Variants in SLC39A8 observed in about 807,000 individuals in gnomAD.
The protein encoded by SLC39A8 is solute carrier family 39 member 8, also known as metal cation symporter ZIP8.
A neutral mutation model predicts 40.4 loss-of-function variants in SLC39A8; 15 were observed. The ratio of observed to expected loss-of-function variants is 0.37; its 90% confidence interval spans 0.25 to 0.57. SLC39A8 has a LOEUF of 0.57. Among genes scored for constraint, SLC39A8 ranks in the 20% least tolerant of loss-of-function variants. The probability of loss-of-function intolerance (pLI) is 0.75; values close to 1 mark genes in which losing one functional copy is unlikely to be tolerated. For synonymous variants in SLC39A8, 223 were observed against 221.6 expected (o/e 1.01, Z -0.06); for missense variants, 472 against 558.8 (o/e 0.84, Z 1.57).
rs567440217 is a variant in SLC39A8, at chr4:102,252,677, C to T, written c.*1052G>A. On this transcript the variant is annotated 3_prime_UTR_variant and NMD_transcript_variant, in exon 12 of 12. Transcript: ENST00000424970. ...AAGGATGTCCTCATGGACCATCTTT[C>T]CACTTTCTGCTGTGCTTCTTCAGCA... 9.2e-5 allele frequency: 14 copies of T among 152,294 alleles called. No individual in the cohort carries two copies. The South Asian group carries it at 2.9e-3, about 32-fold the overall frequency. The allele number at this position is 152,294 out of a possible 1,614,324, so 9.4% of individuals were successfully genotyped here.
At chr4:102,268,666 G>A (rs1386157506) in intron 6 of SLC39A8, among the ~76,000 whole-genome samples, 2 of 152,200 alleles carry the variant, frequency 1.3e-5, no homozygotes, top group Non-Finnish European at 2.9e-5. Context: ...GTACCCTGTG[G>A]AGGGTTTAGG....
chr4:102,318,188 G>A (rs569857815), intron 2 of SLC39A8, among the ~76,000 whole-genome samples: 1 of 152,256 alleles, frequency 6.6e-6, no homozygotes, highest in South Asian at 2.1e-4. Context: ...AAACAGTGCA[G>A]TCAAATAAAT....
intron 6 of SLC39A8, among the ~76,000 whole-genome samples, chr4:102,274,568 T>C (rs1732528379): frequency 1.3e-5 from 2 of 152,034 alleles, no homozygotes; most frequent in Admixed American, 6.5e-5. Context: ...CCTAGCAAGA[T>C]AGGCCAAAAT....
At chr4:102,280,807 G>A (rs1036640633) in intron 6 of SLC39A8, among the ~76,000 whole-genome samples, 7 of 152,048 alleles carry the variant, frequency 4.6e-5, no homozygotes, top group Non-Finnish European at 8.8e-5. Context: ...TAGAAACCTC[G>A]CAAGTTGTTT....
intron 2 of SLC39A8, among the ~76,000 whole-genome samples, chr4:102,320,168 C>CGT (rs1321097079): frequency 2.0e-5 from 2 of 101,936 alleles, no homozygotes; most frequent in Non-Finnish European, 3.9e-5. Context: ...TATATATATA[C>CGT]ATATATATAT....
intron 2 of SLC39A8, among the ~76,000 whole-genome samples, chr4:102,319,209 T>C (rs187200909): frequency 1.3e-5 from 2 of 152,350 alleles, no homozygotes; most frequent in Admixed American, 1.3e-4. Context: ...CAGAAGTTTT[T>C]CTGCCTCTTT....
chr4:102,309,571 T>C (rs1734335745), intron 3 of SLC39A8, among the ~76,000 whole-genome samples: 1 of 152,124 alleles, frequency 6.6e-6, no homozygotes, highest in South Asian at 2.1e-4. Context: ...CATACTTCTA[T>C]CCATCACTAG....
At chr4:102,274,229 A>G (rs977581452) in intron 6 of SLC39A8, among the ~76,000 whole-genome samples, 2 of 152,266 alleles carry the variant, frequency 1.3e-5, no homozygotes, top group Non-Finnish European at 2.9e-5. Flanking sequence ...ATTGCTAACT[A>G]GAATAGTCAG....
chr4:102,307,322 A>T (rs1271709299), intron 4 of SLC39A8, 114 bp downstream of exon 4: 5 of 1,224,754 alleles, frequency 4.1e-6, no homozygotes, highest in Non-Finnish European at 5.8e-6. Context: ...TATCCAAGAC[A>T]CTATAAACTA....
At chr4:102,270,567 T>G (rs966266704) in intron 6 of SLC39A8, among the ~76,000 whole-genome samples, 2 of 152,234 alleles carry the variant, frequency 1.3e-5, no homozygotes, top group African/African-American at 2.4e-5. Flanking sequence ...TGTTGTTCAC[T>G]TGCTTGCTTT....
Position 102,262,943 on chromosome 4 carries a change from A to G in SLC39A8, c.*101T>C. 6.9e-7 allele frequency: 1 copy of G among 1,453,630 alleles called. No individual in the cohort carries two copies. The highest frequency in any genetic ancestry group is 9.0e-7 in the Non-Finnish European group (1 of 1,106,740). 90.0% of individuals were successfully genotyped at this position (1,453,630 alleles called of 1,614,324 possible). ...TTTTCTGGACCTACAGTTGAAAGCA[A>G]AATTATCTTTTTAACTAAATAGGAT... On this transcript the variant is annotated 3_prime_UTR_variant, in exon 9 of 9. Transcript: ENST00000356736.
At chr4:102,295,095 T>C (rs1480943165) in intron 6 of SLC39A8, among the ~76,000 whole-genome samples, 1 of 148,740 alleles carries the variant, frequency 6.7e-6, no homozygotes, top group Non-Finnish European at 1.5e-5. Flanking sequence ...TATTAGATAA[T>C]AATATATATG....
intron 6 of SLC39A8, among the ~76,000 whole-genome samples, chr4:102,277,150 A>G (rs1001464519): frequency 6.6e-6 from 1 of 152,226 alleles, no homozygotes; most frequent in African/African-American, 2.4e-5. Context: ...GCAATCAGGC[A>G]AGAGAAAGAA....
chr4:102,304,305 A>T lies in SLC39A8; in HGVS notation c.840+12T>A. The T allele has an allele frequency of 1.2e-6, 2 of 1,600,446 alleles. No homozygotes were observed. Among genetic ancestry groups the T allele is most frequent in the South Asian group, 2.2e-5 (2 of 90,192 alleles). Reference sequence around the variant, plus strand: ...TGCAGTATAATGAAGGAAAAATGGAATTAACATATACCTGTAGAGATACCA... The same window carrying T: ...TGCAGTATAATGAAGGAAAAATGGATTTAACATATACCTGTAGAGATACCA... On this transcript the variant is annotated intron_variant, in intron 6 of 8. Transcript: ENST00000356736.
At chr4:102,284,173 T>C (rs1253836665) in intron 6 of SLC39A8, among the ~76,000 whole-genome samples, 1 of 152,218 alleles carries the variant, frequency 6.6e-6, no homozygotes, top group African/African-American at 2.4e-5. Flanking sequence ...TGAGTAGTGG[T>C]GATGTCAGGG....
At chr4:102,279,364 T>TA (rs1732774413) in intron 6 of SLC39A8, among the ~76,000 whole-genome samples, 1 of 152,132 alleles carries the variant, frequency 6.6e-6, no homozygotes, top group Non-Finnish European at 1.5e-5. Flanking sequence ...TAATCACACC[T>TA]AATGATCAGG....
intron 6 of SLC39A8, among the ~76,000 whole-genome samples, chr4:102,303,355 GC>G (rs1297727746): frequency 6.6e-6 from 1 of 151,870 alleles, no homozygotes; most frequent in Non-Finnish European, 1.5e-5. Flanking sequence ...AAGGGGCCCA[GC>G]CCTCTAAGCA....
chr4:102,256,377 A>G lies in SLC39A8; in HGVS notation c.*299-2947T>C, dbSNP rs552431181. On this transcript the variant is annotated intron_variant and NMD_transcript_variant, in intron 11 of 11. Coordinates refer to the SLC39A8 transcript ENST00000424970. ...AATAAACAATCATAAAAATATATTC[A>G]TTCTTCCCTATCTAGAAATCTATGT... 9.7e-4 allele frequency among the ~76,000 whole-genome samples: 147 copies of G among 152,280 alleles called. 1 individual carries two copies. Among genetic ancestry groups the G allele is most frequent in the African/African-American group, 3.4e-3 (140 of 41,554 alleles).
intron 6 of SLC39A8, among the ~76,000 whole-genome samples, chr4:102,278,912 G>GC (rs945771658): frequency 1.3e-4 from 20 of 151,864 alleles, no homozygotes; most frequent in Admixed American, 1.1e-3. Flanking sequence ...ACCAAACACC[G>GC]CATGTTCTCA....
Sources: allele counts gnomAD v4.1 joint callset (sites outside exome capture counted in the v4.1 genomes callset), GRCh38; gene constraint gnomAD v4.1.1; transcripts MANE v1.5; gene names NCBI Gene and HGNC (gene_info 2026-07-23, HGNC 2026-07-21).